DNAH6: variants seen among roughly 807,000 people sequenced by gnomAD.
DNAH6 encodes dynein axonemal heavy chain 6.
A neutral mutation model predicts 491.4 loss-of-function variants in DNAH6; 340 were observed. That is an observed-to-expected ratio of 0.69 (90% confidence interval 0.63 to 0.76). The LOEUF (loss-of-function observed/expected upper bound fraction) is 0.76, where lower values mean the gene tolerates loss of function less well. Among genes scored for constraint, DNAH6 ranks in the 30% least tolerant of loss-of-function variants. The pLI is 0.00. For synonymous variants in DNAH6, 1,603 were observed against 1,686.1 expected (o/e 0.95, Z 1.21); for missense variants, 4,443 against 4,972.2 (o/e 0.89, Z 3.20).
intron 13 of DNAH6, 38 bp from the exon 14 acceptor site, chr2:84,579,489 T>G: frequency 3.1e-6 from 5 of 1,600,346 alleles, no homozygotes; most frequent in Non-Finnish European, 3.4e-6. Context: ...AATGAAAATA[T>G]TCGACTATTT....
At chr2:84,722,947 G>T in intron 60 of DNAH6, 143 bp downstream of exon 60, 1 of 553,840 alleles carries the variant, frequency 1.8e-6, no homozygotes, top group East Asian at 3.4e-5. Flanking sequence ...AGTGGTTCCA[G>T]CCAGGCATGG....
At chr2:84,632,902 C>T (rs530986018) in intron 29 of DNAH6, among the ~76,000 whole-genome samples, 69 of 152,206 alleles carry the variant, frequency 4.5e-4, no homozygotes, top group Admixed American at 1.6e-3. Context: ...CAAAGTTGCC[C>T]GTTAGTTTAT....
intron 10 of DNAH6, 103 bp downstream of exon 10, chr2:84,553,137 C>A: frequency 1.6e-6 from 1 of 642,100 alleles, no homozygotes; most frequent in Non-Finnish European, 2.8e-6. Context: ...GTCACCACTC[C>A]AAGATGATCA....
Position 84,634,164 on chromosome 2 carries a change from T to G in DNAH6, c.4516-340T>G, listed in dbSNP as rs925739933. ...GCTTCCATTAGTAAAATTTTTCAAGTTTTTTTAAAGTTCTTAAGTTTGTAT... is the reference window on the plus strand; with the variant it reads ...GCTTCCATTAGTAAAATTTTTCAAGGTTTTTTAAAGTTCTTAAGTTTGTAT... On this transcript the variant is annotated intron_variant, in intron 29 of 76. Transcript: ENST00000389394. Among the ~76,000 whole-genome samples, 17 of 152,214 alleles carry G rather than the reference T, an allele frequency of 1.1e-4. 1 individual carries two copies. The highest frequency in any genetic ancestry group is 1.0e-3 in the Admixed American group (16 of 15,286).
chr2:84,507,062 T>G, the DNAH6 span, among the ~76,000 whole-genome samples: 1 of 152,188 alleles, frequency 6.6e-6, no homozygotes, highest in Non-Finnish European at 1.5e-5. Context: ...CTTTTTTGGT[T>G]CCATATGAAC....
chr2:84,772,966 TA>T (rs1156712919), intron 64 of DNAH6, among the ~76,000 whole-genome samples: 2 of 151,974 alleles, frequency 1.3e-5, no homozygotes, highest in African/African-American at 4.8e-5. Flanking sequence ...ACTAAAGGAA[TA>T]AAATTAGAAA....
At chr2:84,674,960 C>T (rs1274720913) in intron 40 of DNAH6, among the ~76,000 whole-genome samples, 2 of 152,198 alleles carry the variant, frequency 1.3e-5, no homozygotes, top group Non-Finnish European at 2.9e-5. Flanking sequence ...AGGCATAAGG[C>T]TTGCTGTCTT....
chr2:84,591,482 T>C (rs1684108416), intron 16 of DNAH6, among the ~76,000 whole-genome samples: 1 of 152,036 alleles, frequency 6.6e-6, no homozygotes, highest in East Asian at 1.9e-4. Flanking sequence ...TAGAAAGATA[T>C]CCCATGTTCA....
chr2:84,599,226 A>G (rs1684985499), intron 18 of DNAH6, among the ~76,000 whole-genome samples: 1 of 87,436 alleles, frequency 1.1e-5, no homozygotes, highest in Non-Finnish European at 2.7e-5. Context: ...TCTGCATAAA[A>G]GTTTTTTTTC....
chr2:84,792,211 A>G (rs983138419), intron 68 of DNAH6, among the ~76,000 whole-genome samples: 1 of 152,242 alleles, frequency 6.6e-6, no homozygotes, highest in Admixed American at 6.5e-5. Flanking sequence ...AATGGTGGGT[A>G]TCACAGGATA....
chr2:84,587,034 A>G (rs1179083286), intron 15 of DNAH6, among the ~76,000 whole-genome samples: 4 of 152,096 alleles, frequency 2.6e-5, no homozygotes, highest in Non-Finnish European at 5.9e-5. Flanking sequence ...GGTTTGCTGC[A>G]TAGGTTATTT....
intron 41 of DNAH6, among the ~76,000 whole-genome samples, chr2:84,679,013 C>T (rs1015724033): frequency 6.6e-6 from 1 of 152,060 alleles, no homozygotes; most frequent in Non-Finnish European, 1.5e-5. Context: ...ATTCATCACC[C>T]GTCTGTCCTG....
intron 21 of DNAH6, among the ~76,000 whole-genome samples, chr2:84,610,681 C>G (rs1253999060): frequency 6.6e-6 from 1 of 152,144 alleles, no homozygotes; most frequent in Non-Finnish European, 1.5e-5. Flanking sequence ...TCTAGACATG[C>G]TAATATGATA....
intron 29 of DNAH6, among the ~76,000 whole-genome samples, chr2:84,628,090 C>A (rs1269453651): frequency 6.6e-6 from 1 of 152,026 alleles, no homozygotes; most frequent in Non-Finnish European, 1.5e-5. Context: ...AAGTAGGATT[C>A]TAATTGGCAA....
At chr2:84,621,798 A>G (rs980117548) in intron 26 of DNAH6, among the ~76,000 whole-genome samples, 2 of 152,194 alleles carry the variant, frequency 1.3e-5, no homozygotes, top group Non-Finnish European at 2.9e-5. Flanking sequence ...ATTCCAGAAC[A>G]AAACACCAGG....
intron 45 of DNAH6, among the ~76,000 whole-genome samples, chr2:84,688,899 A>G (rs1018469742): frequency 5.9e-5 from 9 of 152,246 alleles, no homozygotes; most frequent in African/African-American, 1.4e-4. Context: ...GTACGGTATA[A>G]CAATGCTAGT....
At chr2:84,545,099 G>T (rs1348465624) in intron 5 of DNAH6, among the ~76,000 whole-genome samples, 1 of 152,098 alleles carries the variant, frequency 6.6e-6, no homozygotes, top group Non-Finnish European at 1.5e-5. Context: ...GGAATAAACT[G>T]CAATCATCAT....
At chr2:84,611,918 C>A in intron 22 of DNAH6, 64 bp downstream of exon 22, 2 of 1,388,660 alleles carry the variant, frequency 1.4e-6, no homozygotes, top group South Asian at 1.4e-5. Context: ...GGACTTTAGT[C>A]CCAGACTAAA....
intron 47 of DNAH6, among the ~76,000 whole-genome samples, chr2:84,698,496 A>G (rs988772734): frequency 7.9e-5 from 12 of 152,236 alleles, no homozygotes; most frequent in Non-Finnish European, 1.6e-4. Flanking sequence ...TGCCACAACC[A>G]TTCCTGCTGA....
Sources: allele counts gnomAD v4.1 joint callset (sites outside exome capture counted in the v4.1 genomes callset), GRCh38; gene constraint gnomAD v4.1.1; transcripts MANE v1.5; gene names NCBI Gene and HGNC (gene_info 2026-07-23, HGNC 2026-07-21).